The following TBC1D32 variants were observed in gnomAD, a reference collection of about 807,000 sequenced individuals.
The protein encoded by TBC1D32 is TBC1 domain family member 32.
In TBC1D32, 151 loss-of-function variants were observed where a neutral mutation model predicts 170.3. The ratio of observed to expected loss-of-function variants is 0.89; its 90% CI spans 0.78 to 1.01. The LOEUF (loss-of-function observed/expected upper bound fraction) is 1.01, where lower values mean the gene tolerates loss of function less well. Ranked by LOEUF, TBC1D32 falls within the 50% of genes least tolerant of loss-of-function variation. TBC1D32 has a pLI of 0.00. For missense variants in TBC1D32, 1,464 were observed against 1,457.1 expected (o/e 1.00, Z -0.08); for synonymous variants, 498 against 488.0 (o/e 1.02, Z -0.27).
intron 21 of TBC1D32, among the ~76,000 whole-genome samples, chr6:121,214,194 T>C (rs1040125569): frequency 2.0e-5 from 3 of 152,160 alleles, no homozygotes; most frequent in African/African-American, 7.2e-5. Context: ...TGAAAGACAG[T>C]ATAGGCAATA....
At chr6:121,175,127 T>C (rs1037012922) in intron 22 of TBC1D32, among the ~76,000 whole-genome samples, 16 of 151,730 alleles carry the variant, frequency 1.1e-4, no homozygotes, top group African/African-American at 1.5e-4. Flanking sequence ...GTTTGAACAA[T>C]AGGGAGGATC....
intron 14 of TBC1D32, among the ~76,000 whole-genome samples, chr6:121,280,540 C>T (rs1428337243): frequency 4.6e-5 from 7 of 151,670 alleles, no homozygotes; most frequent in Admixed American, 4.6e-4. Context: ...AAAAACCCAC[C>T]TAACTTTGCA....
At chr6:121,277,827 G>A (rs1802439420) in intron 15 of TBC1D32, among the ~76,000 whole-genome samples, 1 of 151,170 alleles carries the variant, frequency 6.6e-6, no homozygotes, top group African/African-American at 2.4e-5. Flanking sequence ...CCAGAAGTTA[G>A]TTTTTTGAAA....
In TBC1D32 at chr6:121,308,060, T is replaced by C. The variant is rs1259695525; in HGVS notation, c.606A>G (p.Pro202=). 2.5e-6 allele frequency: 4 copies of C among 1,613,782 alleles called. No individual in the cohort carries two copies. The highest frequency in any genetic ancestry group is 1.3e-5 in the African/African-American group (1 of 74,920). The stretch of plus-strand genomic sequence containing the variant: ...AATTTTCACAGTTGAGGACATCAGA[T>C]GGAGGAGCTGAACATAATGTTTGCA... ...EALQTLCSAP[P]SDVLNCENWT... Residue 202 remains proline (P), a synonymous_variant, in exon 5 of 32, where the codon CCA becomes CCG. Transcript: ENST00000398212.
chr6:121,181,722 G>A (rs1482651267), intron 22 of TBC1D32, among the ~76,000 whole-genome samples: 1 of 152,086 alleles, frequency 6.6e-6, no homozygotes, highest in Non-Finnish European at 1.5e-5. Flanking sequence ...TATGGAATCA[G>A]CCTAAGTGTC....
chr6:121,206,640 A>G (rs1792314674), intron 21 of TBC1D32, among the ~76,000 whole-genome samples: 2 of 152,232 alleles, frequency 1.3e-5, no homozygotes, highest in South Asian at 4.1e-4. Flanking sequence ...TGTACCCAAC[A>G]TATAAGAATA....
chr6:121,139,285 A>G (rs2128223995), intron 24 of TBC1D32, among the ~76,000 whole-genome samples: 1 of 152,366 alleles, frequency 6.6e-6, no homozygotes, highest in Admixed American at 6.5e-5. Context: ...TTCGTTAAAT[A>G]GGCAATTTTC....
intron 21 of TBC1D32, among the ~76,000 whole-genome samples, chr6:121,217,647 G>A (rs1793998887): frequency 6.6e-6 from 1 of 152,096 alleles, no homozygotes; most frequent in African/African-American, 2.4e-5. Context: ...CTATTAGAGG[G>A]TAGGAGGTGG....
chr6:121,096,537 A>C (rs907544042), intron 30 of TBC1D32, among the ~76,000 whole-genome samples: 2 of 152,198 alleles, frequency 1.3e-5, no homozygotes, highest in East Asian at 3.9e-4. Flanking sequence ...CTGATCAAGG[A>C]AATAAGAGAG....
chr6:121,272,371 T>G (rs1374730805), intron 15 of TBC1D32, among the ~76,000 whole-genome samples: 1 of 151,998 alleles, frequency 6.6e-6, no homozygotes, highest in African/African-American at 2.4e-5. Flanking sequence ...GACAAAGGGC[T>G]AATATCCAGA....
Position 121,317,588 on chromosome 6 carries a change from T to C in TBC1D32, c.402A>G (p.Thr134=). ...TTTTTTTCTGCCTTTCTTGATTTCG[T>C]GTCTCATCTTCTTCAAACTTGTTAA... is the stretch of plus-strand genomic sequence containing the variant. ...SMINKFEEDE[T]RNQERQKKIQ... is the part of the protein sequence containing the mutation. The change falls in exon 3 of 32, where the codon ACA becomes ACG. Residue 134 remains threonine, a synonymous_variant. Transcript: ENST00000398212. 1 of 1,613,016 alleles carries C rather than the reference T, an allele frequency of 6.2e-7. No individual in the cohort carries two copies. The highest frequency in any genetic ancestry group is 1.3e-5 in the African/African-American group (1 of 74,988).
chr6:121,194,774 C>T (rs774942924), intron 22 of TBC1D32, among the ~76,000 whole-genome samples: 12 of 152,184 alleles, frequency 7.9e-5, no homozygotes, highest in Non-Finnish European at 1.8e-4. Context: ...CATAATCTTA[C>T]CCAGAGAGAA....
intron 20 of TBC1D32, among the ~76,000 whole-genome samples, chr6:121,234,645 T>C (rs764784976): frequency 1.3e-5 from 2 of 152,158 alleles, no homozygotes; most frequent in South Asian, 2.1e-4. Flanking sequence ...TTTCTTTAAG[T>C]TGGACTTCAT....
At chr6:121,322,092 A>G (rs1809819265) in intron 1 of TBC1D32, among the ~76,000 whole-genome samples, 1 of 152,160 alleles carries the variant, frequency 6.6e-6, no homozygotes, top group South Asian at 2.1e-4. Context: ...TATCTTTAAC[A>G]TGTGACAGTG....
chr6:121,135,349 C>T (rs747421035), intron 24 of TBC1D32, among the ~76,000 whole-genome samples: 1 of 152,020 alleles, frequency 6.6e-6, no homozygotes, highest in Non-Finnish European at 1.5e-5. Flanking sequence ...AAAAGTTTTC[C>T]TTCTGGCCAC....
At chr6:121,204,972 A>T in intron 22 of TBC1D32, 103 bp downstream of exon 22, 1 of 619,946 alleles carries the variant, frequency 1.6e-6, no homozygotes, top group Non-Finnish European at 2.7e-6. Context: ...GCATGCTTTT[A>T]AATATTAGCT....
intron 21 of TBC1D32, among the ~76,000 whole-genome samples, chr6:121,210,309 AAAAATACAT>A (rs1353574041): frequency 6.6e-6 from 1 of 152,220 alleles, no homozygotes; most frequent in East Asian, 1.9e-4. Flanking sequence ...GTTCAGATGA[AAAAATACAT>A]AAATTAACAT....
At chr6:121,224,679 C>T (rs1794872016) in intron 20 of TBC1D32, among the ~76,000 whole-genome samples, 2 of 152,188 alleles carry the variant, frequency 1.3e-5, no homozygotes, top group East Asian at 1.9e-4. Flanking sequence ...CCTTGTTCTA[C>T]ATCCTTCTTT....
chr6:121,260,858 G>T (rs1799670362), intron 15 of TBC1D32, among the ~76,000 whole-genome samples: 1 of 152,190 alleles, frequency 6.6e-6, no homozygotes, highest in Non-Finnish European at 1.5e-5. Flanking sequence ...CACTGCTGCG[G>T]CTAGCTACCT....
Sources: allele counts gnomAD v4.1 joint callset (sites outside exome capture counted in the v4.1 genomes callset), GRCh38; gene constraint gnomAD v4.1.1; transcripts MANE v1.5; gene names NCBI Gene and HGNC (gene_info 2026-07-23, HGNC 2026-07-21).